Variants in ROCK2 observed in about 807,000 individuals in gnomAD.
The protein encoded by ROCK2 is Rho associated coiled-coil containing protein kinase 2.
A neutral mutation model predicts 195.1 loss-of-function variants in ROCK2; 61 were observed. That is an observed-to-expected ratio of 0.31 (90% CI 0.25 to 0.39). The LOEUF (loss-of-function observed/expected upper bound fraction) is 0.39, where lower values mean the gene tolerates loss of function less well. ROCK2 is among the 10% of genes least tolerant of loss of function. ROCK2 has a pLI of 1.00. For synonymous variants in ROCK2, 504 were observed against 545.5 expected, an observed-to-expected ratio of 0.92 and a Z score of 1.06; for missense variants, 1,109 against 1,637.4, an observed-to-expected ratio of 0.68 and a Z score of 5.57.
At chr2:11,337,636 CT>C (rs200442493) in intron 1 of ROCK2, among the ~76,000 whole-genome samples, 4,853 of 142,962 alleles carry the variant, frequency 0.034, 109 homozygotes, top group African/African-American at 0.073. Context: ...CTGGCAGTTT[CT>C]TTTTTTTTTT....
At chr2:11,232,679 G>T (rs16857286) in intron 5 of ROCK2, among the ~76,000 whole-genome samples, 4,805 of 152,186 alleles carry the variant, frequency 0.032, 122 homozygotes, top group Non-Finnish European at 0.048. Context: ...ATTTGTTAAA[G>T]AACACCTTTG....
At chr2:11,224,648 AT>A (rs1664751523) in intron 6 of ROCK2, among the ~76,000 whole-genome samples, 188 bp from the exon 7 acceptor site, 2 of 152,208 alleles carry the variant, frequency 1.3e-5, no homozygotes, top group African/African-American at 4.8e-5. Flanking sequence ...TATATTTAAA[AT>A]TTAACACCAC....
At chr2:11,227,622 A>T (rs931290335) in intron 5 of ROCK2, among the ~76,000 whole-genome samples, 3 of 152,228 alleles carry the variant, frequency 2.0e-5, no homozygotes, top group Non-Finnish European at 4.4e-5. Context: ...TCTAAAATAC[A>T]GGAGGCTTCC....
At chr2:11,233,875 T>C (rs1665110359) in intron 5 of ROCK2, 2 of 151,996 alleles carry the variant, frequency 1.3e-5, no homozygotes, top group Admixed American at 6.6e-5. Flanking sequence ...TGGAGGAAAA[T>C]ATAAAATAAA....
intron 1 of ROCK2, among the ~76,000 whole-genome samples, chr2:11,301,333 A>G (rs1667697711): frequency 6.6e-6 from 1 of 152,138 alleles, no homozygotes; most frequent in Non-Finnish European, 1.5e-5. Context: ...TAAATTCCTT[A>G]AAGGTAAGGA....
chr2:11,305,455 AC>A, intron 1 of ROCK2, among the ~76,000 whole-genome samples: 2 of 101,770 alleles, frequency 2.0e-5, no homozygotes, highest in African/African-American at 3.0e-5. Context: ...ACACACACAC[AC>A]ACACACACAC....
At chr2:11,223,017 C>T (rs2148077833) in intron 7 of ROCK2, among the ~76,000 whole-genome samples, 1 of 152,218 alleles carries the variant, frequency 6.6e-6, no homozygotes, top group South Asian at 2.1e-4. Flanking sequence ...CAAATTATGG[C>T]CATCCCTACC....
intron 3 of ROCK2, among the ~76,000 whole-genome samples, chr2:11,262,584 T>A (rs1056640088): frequency 6.6e-6 from 1 of 152,138 alleles, no homozygotes; most frequent in Admixed American, 6.5e-5. Flanking sequence ...CTAATGGTTA[T>A]TATAAGGGGG....
intron 4 of ROCK2, among the ~76,000 whole-genome samples, chr2:11,241,636 A>G (rs58092863): frequency 0.034 from 5,177 of 152,328 alleles, 285 homozygotes; most frequent in African/African-American, 0.12. Context: ...GCATGACAAC[A>G]TAAGGAGTTA....
chr2:11,197,436 A>C lies in ROCK2; in HGVS notation c.3280-88T>G. The C allele has an allele frequency of 6.5e-7, 1 of 1,528,314 alleles. No individual in the cohort carries two copies. Among genetic ancestry groups the C allele is most frequent in the Non-Finnish European group, 8.9e-7 (1 of 1,120,424 alleles). 94.7% of individuals were successfully genotyped at this position (1,528,314 alleles called of 1,614,324 possible). On this transcript the variant is annotated intron_variant, in intron 26 of 32. Coordinates refer to ENST00000315872, the MANE Select transcript of ROCK2 (RefSeq NM_004850.5). The surrounding 1 kb of genome is among the most constrained non-coding windows in gnomAD (Gnocchi z 4.9). The stretch of plus-strand genomic sequence containing the variant: ...GGTTCAATAATAATTATTAAATAGA[A>C]ATGGTCTATAACCAGTAAAACACAG...
Position 11,344,245 on chromosome 2 carries a change from C to T in ROCK2, c.-109G>A. 3 of 1,306,866 alleles carry T rather than the reference C, an allele frequency of 2.3e-6. No individual in the cohort carries two copies. Among genetic ancestry groups the T allele is most frequent in the Non-Finnish European group, 2.9e-6 (3 of 1,031,538 alleles). The allele number at this position is 1,306,866 out of a possible 1,614,324, so 81.0% of individuals were successfully genotyped here. A position where few individuals can be genotyped will look rare whatever the true frequency, so the allele number is the denominator to read the frequency against. On this transcript the variant is annotated 5_prime_UTR_variant, in exon 1 of 33. Coordinates refer to ENST00000315872, the MANE Select transcript of ROCK2 (RefSeq NM_004850.5). The surrounding 1 kb of genome is among the most constrained non-coding windows in gnomAD (Gnocchi z 5.4). ...CTCCGGCCGGGACTCCACCCGGGCCCACCGCCTGCCTCTAGCTCCGGCTTC... is the reference window on the plus strand; with the variant it reads ...CTCCGGCCGGGACTCCACCCGGGCCTACCGCCTGCCTCTAGCTCCGGCTTC...
intron 5 of ROCK2, among the ~76,000 whole-genome samples, chr2:11,233,546 G>A (rs1289007610): frequency 6.6e-6 from 1 of 152,174 alleles, no homozygotes; most frequent in African/African-American, 2.4e-5. Context: ...ATATAAAGAT[G>A]TTCAAGATAG....
intron 1 of ROCK2, among the ~76,000 whole-genome samples, chr2:11,332,925 A>G (rs1310762874): frequency 1.3e-5 from 2 of 152,244 alleles, no homozygotes. Flanking sequence ...AAATCACTGC[A>G]TATTTTATGA....
At chr2:11,300,854 C>CA (rs563487918) in intron 1 of ROCK2, among the ~76,000 whole-genome samples, 77 of 145,646 alleles carry the variant, frequency 5.3e-4, no homozygotes, top group Middle Eastern at 7.0e-3. Flanking sequence ...TACTAAGGTG[C>CA]AAAAAAAAAA....
In ROCK2 at chr2:11,235,674, T is replaced by A. The variant is rs375494677; in HGVS notation, c.723+28A>T. Reference sequence around the variant, plus strand: ...CATTTATTTCTGTCCCTCAAAACACTATCGTTTTAAATAATTTGCTTACTT... The same window carrying A: ...CATTTATTTCTGTCCCTCAAAACACAATCGTTTTAAATAATTTGCTTACTT... On this transcript the variant is annotated intron_variant, in intron 5 of 32. Coordinates refer to ENST00000315872, the MANE Select transcript of ROCK2 (RefSeq NM_004850.5). The surrounding 1 kb of genome is among the most constrained non-coding windows in gnomAD (Gnocchi z 4.2). The A allele has an allele frequency of 3.8e-6, 6 of 1,580,108 alleles. No individual in the cohort carries two copies. The highest frequency in any genetic ancestry group is 1.4e-5 in the African/African-American group (1 of 73,976).
intron 1 of ROCK2, among the ~76,000 whole-genome samples, chr2:11,318,465 T>C (rs1414726096): frequency 6.6e-6 from 1 of 152,220 alleles, no homozygotes; most frequent in Non-Finnish European, 1.5e-5. Flanking sequence ...GGGTTGTTTT[T>C]TTCTTGTAAA....
chr2:11,334,439 A>G (rs1040560637), intron 1 of ROCK2, among the ~76,000 whole-genome samples: 1 of 141,578 alleles, frequency 7.1e-6, no homozygotes, highest in Non-Finnish European at 1.5e-5. Context: ...TGAACCCGGG[A>G]GGCAGAGATT....
chr2:11,238,492 T>C (rs563256495), intron 4 of ROCK2, among the ~76,000 whole-genome samples: 2 of 152,046 alleles, frequency 1.3e-5, no homozygotes, highest in East Asian at 1.9e-4. Flanking sequence ...AATCTGGAAC[T>C]AGAACAAAGC....
intron 4 of ROCK2, among the ~76,000 whole-genome samples, chr2:11,238,240 G>GTGTGTGTGTGTGTGTGTGTGTGTGTGTC (rs1558317275): frequency 2.0e-5 from 3 of 149,196 alleles, no homozygotes; most frequent in African/African-American, 5.0e-5. Flanking sequence ...GTGTGTGTGT[G>GTGTGTGTGTGTGTGTGTGTGTGTGTGTC]TCTGTTGTGT....
Sources: gnomAD v4.1 joint callset for allele counts (sites outside exome capture counted in the v4.1 genomes callset) on GRCh38, gnomAD v4.1.1 for gene constraint, Gnocchi (gnomAD v3.1) non-coding constraint, MANE v1.5 for transcripts, NCBI Gene and HGNC (gene_info 2026-07-23, HGNC 2026-07-21) for gene names.